The following PRPF3 variants were observed in gnomAD, a reference collection of about 807,000 sequenced individuals.
The protein encoded by PRPF3 is U4/U6 small nuclear ribonucleoprotein Prp3.
A neutral mutation model predicts 89.2 loss-of-function variants in PRPF3; 3 were observed. The observed-to-expected ratio is 0.03, with a 90% confidence interval of 0.02 to 0.09. The LOEUF (loss-of-function observed/expected upper bound fraction) is 0.09, where lower values mean the gene tolerates loss of function less well. Ranked by LOEUF, PRPF3 falls within the 10% of genes least tolerant of loss-of-function variation. PRPF3 has a pLI of 1.00. For synonymous variants in PRPF3, 270 were observed against 289.1 expected, an observed-to-expected ratio of 0.93 and a Z score of 0.67; for missense variants, 463 against 828.8, an observed-to-expected ratio of 0.56 and a Z score of 5.42.
At chr1:150,337,036 A>T (rs1657079401) in intron 7 of PRPF3, among the ~76,000 whole-genome samples, 1 of 55,292 alleles carries the variant, frequency 1.8e-5, no homozygotes, top group Non-Finnish European at 3.4e-5. Flanking sequence ...TTTTCATAAA[A>T]TTCCTTTTTT....
intron 6 of PRPF3, among the ~76,000 whole-genome samples, chr1:150,333,623 A>G (rs1656660192): frequency 6.6e-6 from 1 of 152,056 alleles, no homozygotes. Flanking sequence ...CATTTCTCAC[A>G]GTTTCATATT....
intron 2 of PRPF3, 42 bp from the exon 3 acceptor site, chr1:150,325,709 C>T (rs782228990): frequency 6.2e-7 from 1 of 1,602,922 alleles, no homozygotes; most frequent in African/African-American, 1.3e-5. Flanking sequence ...AGACTGTGTA[C>T]TCTTACCTTT....
intron 7 of PRPF3, among the ~76,000 whole-genome samples, chr1:150,337,509 A>C (rs956246739): frequency 6.6e-6 from 1 of 151,986 alleles, no homozygotes; most frequent in African/African-American, 2.4e-5. Flanking sequence ...AAAGAGTTCA[A>C]CGGGGAAGTG....
intron 6 of PRPF3, among the ~76,000 whole-genome samples, chr1:150,333,531 C>T (rs1369635223): frequency 6.6e-6 from 1 of 152,124 alleles, no homozygotes; most frequent in African/African-American, 2.4e-5. Flanking sequence ...CGTGCCACTG[C>T]GTGGGTGACA....
intron 4 of PRPF3, among the ~76,000 whole-genome samples, chr1:150,332,431 G>T (rs1656515516): frequency 6.6e-6 from 1 of 152,112 alleles, no homozygotes; most frequent in Non-Finnish European, 1.5e-5. Flanking sequence ...AGGTTTCTCT[G>T]ACTCCAGAGT....
At chr1:150,331,472 C>T (rs1388693494) in intron 4 of PRPF3, among the ~76,000 whole-genome samples, 1 of 152,188 alleles carries the variant, frequency 6.6e-6, no homozygotes, top group Non-Finnish European at 1.5e-5. Flanking sequence ...TCAAGCGCTT[C>T]TCCTGCCTCA....
In PRPF3 at chr1:150,324,993, G is replaced by C. The variant is rs1655542502; in HGVS notation, c.51G>C (p.Lys17Asn). 1 of 1,612,470 alleles carries C rather than the reference G, an allele frequency of 6.2e-7. No individual in the cohort carries two copies. Among genetic ancestry groups the C allele is most frequent in the Non-Finnish European group, 8.5e-7 (1 of 1,179,440 alleles). ...ELDELKPWIE[K>N]TVKRVLGFSE... ...ATGAGCTGAAACCATGGATAGAGAA[G>C]ACAGTGAAGAGGGTCCTGGGTTTCT... Residue 17 changes from lysine (K) to asparagine (N), a missense_variant, in exon 2 of 16, where the codon AAG becomes AAC. Lys to Asn is a moderately conservative substitution (Grantham distance 94). This residue lies in a region of PRPF3 where 33 missense variants were observed against 83.1 expected (regional missense o/e 0.40). Transcript: ENST00000324862.
chr1:150,349,290 A>G, intron 15 of PRPF3, 72 bp downstream of exon 15: 1 of 1,082,826 alleles, frequency 9.2e-7, no homozygotes, highest in Non-Finnish European at 1.4e-6. Flanking sequence ...TGAGTGGAGC[A>G]ATGGAATGTA....
Position 150,334,977 on chromosome 1 carries a change from C to T in PRPF3, c.771C>T (p.Ile257=), listed in dbSNP as rs200590841. 4 of 1,614,096 alleles carry T rather than the reference C, an allele frequency of 2.5e-6. No individual in the cohort carries two copies. The highest frequency in any genetic ancestry group is 3.4e-6 in the Non-Finnish European group (4 of 1,180,028). Residue 257 remains isoleucine (I), a synonymous_variant, in exon 7 of 16, where the codon ATC becomes ATT. Coordinates refer to ENST00000324862, the MANE Select transcript of PRPF3 (RefSeq NM_004698.4). ...LKDQTKPTPL[I]LDEQGRTVDA... ...ACCAAACGAAACCTACACCACTGAT[C>T]CTGGATGAGCAAGGGCGCACTGTAG...
chr1:150,347,257 TACACACATACACATACATACAC>T (rs1658366688), intron 14 of PRPF3, among the ~76,000 whole-genome samples: 1 of 151,258 alleles, frequency 6.6e-6, no homozygotes, highest in Non-Finnish European at 1.5e-5. Context: ...TATATATATA[TACACACATACACATACATACAC>T]ACACACACAC....
intron 15 of PRPF3, 127 bp downstream of exon 15, chr1:150,349,345 T>A (rs912161758): frequency 1.3e-5 from 10 of 794,040 alleles, no homozygotes; most frequent in African/African-American, 1.2e-4. Flanking sequence ...ATGTTTCTTT[T>A]TGGAATCCAT....
intron 2 of PRPF3, 119 bp downstream of exon 2, chr1:150,325,206 T>G: frequency 8.3e-7 from 1 of 1,198,528 alleles, no homozygotes; most frequent in Non-Finnish European, 1.2e-6. Flanking sequence ...CATATTTTAT[T>G]TTCACCTGTA....
intron 5 of PRPF3, 88 bp from the exon 6 acceptor site, chr1:150,332,891 A>G: frequency 6.7e-7 from 1 of 1,489,710 alleles, no homozygotes; most frequent in South Asian, 1.1e-5. Context: ...GCTACAGTCT[A>G]CCATGATGTG....
Position 150,328,546 on chromosome 1 carries a change from A to ATT in PRPF3, c.423+80_423+81insTT, listed in dbSNP as rs1553864478. 1.7e-5 allele frequency: 12 copies of ATT among 726,362 alleles called. No homozygotes were observed. The African/African-American group carries it at 1.9e-4, about 12-fold the overall frequency. 45.0% of individuals were successfully genotyped at this position (726,362 alleles called of 1,614,324 possible). On this transcript the variant is annotated intron_variant, in intron 4 of 15. Coordinates refer to ENST00000324862, the MANE Select transcript of PRPF3 (RefSeq NM_004698.4). ...GTGCATGGGTCTGTATTTATTGTGG[A>ATT]ATTTTTTTTTTTTTTTTTTTTTTGA... is the stretch of plus-strand genomic sequence containing the variant.
intron 14 of PRPF3, among the ~76,000 whole-genome samples, chr1:150,347,160 T>C (rs1275990083): frequency 6.6e-6 from 1 of 151,938 alleles, no homozygotes; most frequent in Non-Finnish European, 1.5e-5. Context: ...ATATTATTAT[T>C]TGATTTTTTT....
At chr1:150,344,363 CTCTT>C in intron 11 of PRPF3, 67 bp from the exon 12 acceptor site, 1 of 1,614,092 alleles carries the variant, frequency 6.2e-7, no homozygotes, top group Non-Finnish European at 8.5e-7. Context: ...CCGTTGCTCT[CTCTT>C]TCCCTCAGCC....
intron 1 of PRPF3, among the ~76,000 whole-genome samples, chr1:150,322,673 T>C (rs1427844999): frequency 6.6e-6 from 1 of 152,188 alleles, no homozygotes; most frequent in African/African-American, 2.4e-5. Flanking sequence ...AAAGTGAGTC[T>C]ATTTGGCATC....
intron 7 of PRPF3, 109 bp downstream of exon 7, chr1:150,335,350 G>A (rs1553867084): frequency 2.3e-6 from 3 of 1,316,050 alleles, no homozygotes; most frequent in East Asian, 4.8e-5. Context: ...GTCATTTAAA[G>A]CAGCAGTCCT....
intron 7 of PRPF3, 56 bp from the exon 8 acceptor site, chr1:150,338,104 A>T: frequency 6.3e-7 from 1 of 1,575,964 alleles, no homozygotes; most frequent in Non-Finnish European, 8.7e-7. Context: ...GATTCTACAC[A>T]TTCTGTTTTC....
Sources: allele counts gnomAD v4.1 joint callset (sites outside exome capture counted in the v4.1 genomes callset), GRCh38; gene constraint gnomAD v4.1.1; regional missense constraint gnomAD v4.1.1; transcripts MANE v1.5; gene names NCBI Gene and HGNC (gene_info 2026-07-23, HGNC 2026-07-21).